CYRIB: variants seen among roughly 807,000 people sequenced by gnomAD.
The protein encoded by CYRIB is CYFIP related Rac1 interactor B, also known as CYFIP-related Rac1 interactor B.
A neutral mutation model predicts 44.2 loss-of-function variants in CYRIB; 8 were observed. The ratio of observed to expected loss-of-function variants is 0.18; its 90% CI spans 0.11 to 0.33. The LOEUF (loss-of-function observed/expected upper bound fraction) is 0.33. CYRIB is among the 10% of genes least tolerant of loss of function. The probability of loss-of-function intolerance (pLI) is 1.00; values close to 1 mark genes in which losing one functional copy is unlikely to be tolerated. For synonymous variants in CYRIB, 131 were observed against 127.2 expected (o/e 1.03, Z -0.20); for missense variants, 185 against 382.8 (o/e 0.48, Z 4.31).
chr8:129,985,191 G>A (rs1217166926), intron 1 of CYRIB, among the ~76,000 whole-genome samples: 1 of 152,194 alleles, frequency 6.6e-6, no homozygotes, highest in Non-Finnish European at 1.5e-5. Context: ...TGTAAAGTGG[G>A]ACTGATAATA....
At chr8:129,872,582 C>T (rs1437429025) in intron 3 of CYRIB, among the ~76,000 whole-genome samples, 1 of 152,000 alleles carries the variant, frequency 6.6e-6, no homozygotes, top group East Asian at 1.9e-4. Context: ...CCACATTCAG[C>T]ACCACAGGTA....
chr8:129,925,572 T>C (rs1181744708), intron 1 of CYRIB, among the ~76,000 whole-genome samples: 1 of 152,126 alleles, frequency 6.6e-6, no homozygotes, highest in Non-Finnish European at 1.5e-5. Context: ...CCTCATGTGG[T>C]CTCACTTCTC....
chr8:129,912,446 T>C (rs988339297), intron 1 of CYRIB: 1 of 151,224 alleles, frequency 6.6e-6, no homozygotes, highest in Non-Finnish European at 1.5e-5. Flanking sequence ...TTTTTTTTTT[T>C]AATTATGACC....
upstream of CYRIB, among the ~76,000 whole-genome samples, chr8:129,940,680 TTTA>T (rs1564268217): frequency 6.6e-6 from 1 of 152,204 alleles, no homozygotes; most frequent in Admixed American, 6.5e-5. Flanking sequence ...TGAATTTTTT[TTTA>T]TTAACATTAA....
At chr8:129,923,518 A>C (rs2085212855) in intron 1 of CYRIB, among the ~76,000 whole-genome samples, 1 of 151,862 alleles carries the variant, frequency 6.6e-6, no homozygotes. Flanking sequence ...CAGGTGATCC[A>C]CCCACCTAAG....
intron 1 of CYRIB, among the ~76,000 whole-genome samples, chr8:129,996,721 C>T (rs2096774470): frequency 6.6e-6 from 1 of 152,106 alleles, no homozygotes; most frequent in Non-Finnish European, 1.5e-5. Flanking sequence ...TTGAGCCCTC[C>T]CTCCCCCACA....
chr8:129,938,845 T>A (rs1345280423), intron 1 of CYRIB, among the ~76,000 whole-genome samples: 1 of 152,100 alleles, frequency 6.6e-6, no homozygotes, highest in African/African-American at 2.4e-5. Flanking sequence ...TGACCCAGAA[T>A]AGCCATGAGG....
chr8:129,875,120 C>T (rs1383711532), intron 3 of CYRIB, among the ~76,000 whole-genome samples: 1 of 152,180 alleles, frequency 6.6e-6, no homozygotes, highest in Non-Finnish European at 1.5e-5. Context: ...AGTCTCTTTT[C>T]TCCCAAGAAC....
chr8:129,980,677 A>G (rs1313919224), intron 1 of CYRIB, among the ~76,000 whole-genome samples: 1 of 151,400 alleles, frequency 6.6e-6, no homozygotes, highest in Non-Finnish European at 1.5e-5. Context: ...AAAAAGAAAA[A>G]GAAAAAAAAA....
At chr8:130,011,542 G>T (rs1041543195) in intron 1 of CYRIB, among the ~76,000 whole-genome samples, 3 of 151,626 alleles carry the variant, frequency 2.0e-5, no homozygotes, top group Non-Finnish European at 4.4e-5. Context: ...ATTAGGCTGG[G>T]CATGGTGGCT....
At chr8:129,886,401 TTTTC>T (rs2062762993) in intron 2 of CYRIB, among the ~76,000 whole-genome samples, 1 of 152,174 alleles carries the variant, frequency 6.6e-6, no homozygotes, top group Admixed American at 6.5e-5. Context: ...CTACTTCAGT[TTTTC>T]TTTTTCAGTA....
At chr8:129,972,814 G>A (rs1473087189) in intron 1 of CYRIB, among the ~76,000 whole-genome samples, 1 of 151,972 alleles carries the variant, frequency 6.6e-6, no homozygotes, top group Non-Finnish European at 1.5e-5. Flanking sequence ...AGGGCATAGA[G>A]TGTGGCTCTG....
intron 1 of CYRIB, among the ~76,000 whole-genome samples, chr8:129,932,824 G>A (rs2091912220): frequency 1.3e-5 from 2 of 152,190 alleles, no homozygotes; most frequent in South Asian, 4.1e-4. Context: ...CCTGGAATCT[G>A]AGAGTGATCC....
intron 1 of CYRIB, among the ~76,000 whole-genome samples, chr8:129,973,344 G>C (rs1182554713): frequency 6.6e-6 from 1 of 152,214 alleles, no homozygotes; most frequent in Non-Finnish European, 1.5e-5. Flanking sequence ...ACAGGCAAAG[G>C]CTGGCAAGTT....
At chr8:129,850,585 AGAGTCT>A in intron 9 of CYRIB, 1 of 477,292 alleles carries the variant, frequency 2.1e-6, no homozygotes, top group South Asian at 2.5e-5. Context: ...AAGAGAACTA[AGAGTCT>A]GAGTCAGTCT....
At chr8:129,997,354 C>T (rs964028819) in intron 1 of CYRIB, among the ~76,000 whole-genome samples, 17 of 152,114 alleles carry the variant, frequency 1.1e-4, no homozygotes, top group Non-Finnish European at 1.0e-4. Context: ...CCTTTTTTGG[C>T]CATTGCTGGC....
At chr8:129,893,075 A>G (rs931101034) in intron 2 of CYRIB, among the ~76,000 whole-genome samples, 2 of 152,244 alleles carry the variant, frequency 1.3e-5, no homozygotes, top group African/African-American at 2.4e-5. Flanking sequence ...TGATGCTCAG[A>G]GAACACGTAT....
intron 1 of CYRIB, among the ~76,000 whole-genome samples, chr8:129,915,026 C>T (rs1259434832): frequency 6.6e-6 from 1 of 152,030 alleles, no homozygotes; most frequent in African/African-American, 2.4e-5. Context: ...CTGTAAATGA[C>T]CATACCAAGG....
intron 1 of CYRIB, among the ~76,000 whole-genome samples, chr8:129,914,330 G>C (rs2079626852): frequency 1.3e-5 from 2 of 152,342 alleles, no homozygotes; most frequent in East Asian, 1.9e-4. Flanking sequence ...TATGCAGCCA[G>C]AGGAACCTTC....
Sources: allele counts gnomAD v4.1 joint callset (sites outside exome capture counted in the v4.1 genomes callset), GRCh38; gene constraint gnomAD v4.1.1; transcripts MANE v1.5; gene names NCBI Gene and HGNC (gene_info 2026-07-23, HGNC 2026-07-21).